Variants in FECH observed in about 807,000 individuals in gnomAD.
FECH encodes ferrochelatase, also known as ferrochelatase, mitochondrial.
Under a neutral mutation model 56.9 loss-of-function variants are expected in FECH, and 40 were observed. That is an observed-to-expected ratio of 0.70 (90% CI 0.55 to 0.92). The LOEUF is 0.92. Ranked by LOEUF, FECH falls within the 40% of genes least tolerant of loss-of-function variation. The probability of loss-of-function intolerance (pLI) is 0.00; values close to 1 mark genes in which losing one functional copy is unlikely to be tolerated. For missense variants in FECH, 431 were observed against 529.1 expected (o/e 0.81, Z 1.82); for synonymous variants, 175 against 198.6 (o/e 0.88, Z 1.00).
At chr18:57,554,816 G>T in intron 8 of FECH, 29 bp downstream of exon 8, 1 of 1,564,522 alleles carries the variant, frequency 6.4e-7, no homozygotes, top group South Asian at 1.1e-5. Flanking sequence ...AATAAGAGCT[G>T]GCCGCCCGCC....
Position 57,549,424 on chromosome 18 carries a change from T to TCAA in FECH, c.*1287_*1288insTTG, listed in dbSNP as rs59569925. On this transcript the variant is annotated 3_prime_UTR_variant, in exon 11 of 11. Transcript: ENST00000262093. ...TAATACTTCCACTTTATAAACTGGCTAAAAAAAAAAAAAAAAAGAAACGCT... is the reference window on the plus strand; with the variant it reads ...TAATACTTCCACTTTATAAACTGGCTCAAAAAAAAAAAAAAAAAAAGAAACGCT... 7.1e-6 allele frequency: 1 copy of TCAA among 141,706 alleles called. No individual in the cohort carries two copies. The highest frequency in any genetic ancestry group is 1.5e-5 in the Non-Finnish European group (1 of 66,006). 8.8% of individuals were successfully genotyped at this position (141,706 alleles called of 1,614,324 possible).
At chr18:57,563,003 AG>A in intron 5 of FECH, 23 bp from the exon 6 acceptor site, 1 of 1,574,866 alleles carries the variant, frequency 6.3e-7, no homozygotes. Context: ...GAGACCACTT[AG>A]TAGATGCATT....
chr18:57,550,571 C>A lies in FECH; in HGVS notation c.*141G>T. ...CATCAAGAGTCCAATCCTCAAGAAA[C>A]CACACAATTTGTACCCAAAGGCTGT... On this transcript the variant is annotated 3_prime_UTR_variant, in exon 11 of 11. Transcript: ENST00000262093. 9.9e-7 allele frequency: 1 copy of A among 1,011,490 alleles called. No individual in the cohort carries two copies. Among genetic ancestry groups the A allele is most frequent in the Non-Finnish European group, 1.5e-6 (1 of 685,840 alleles). The allele number at this position is 1,011,490 out of a possible 1,614,324, so 62.7% of individuals were successfully genotyped here. A position where few individuals can be genotyped will look rare whatever the true frequency, so the allele number is the denominator to read the frequency against.
Position 57,580,659 on chromosome 18 carries a change from G to C in FECH, c.68-460C>G, listed in dbSNP as rs141502865. On this transcript the variant is annotated intron_variant, in intron 1 of 10. Coordinates refer to ENST00000262093, the MANE Select transcript of FECH (RefSeq NM_000140.5). Reference sequence around the variant, plus strand: ...TCCAAGCCTTCTTCGGAAAGCACTCGTGCTGAGAACCCAGTACTGCCCTTG... The same window carrying C: ...TCCAAGCCTTCTTCGGAAAGCACTCCTGCTGAGAACCCAGTACTGCCCTTG... Among the ~76,000 whole-genome samples the C allele has an allele frequency of 8.1e-3, 1,230 of 152,206 alleles. 14 individuals are homozygous for C. Among genetic ancestry groups the C allele is most frequent in the Middle Eastern group, 0.017 (5 of 294 alleles).
intron 1 of FECH, among the ~76,000 whole-genome samples, chr18:57,580,549 A>G (rs1319343622): frequency 8.9e-6 from 1 of 111,776 alleles, no homozygotes; most frequent in African/African-American, 3.7e-5. Flanking sequence ...TGGAAGGAGA[A>G]GGGGCTGCAG....
At chr18:57,579,327 C>A in intron 2 of FECH, among the ~76,000 whole-genome samples, 1 of 139,580 alleles carries the variant, frequency 7.2e-6, no homozygotes, top group Admixed American at 7.2e-5. Flanking sequence ...ATATTCATAC[C>A]TGTATAATTT....
chr18:57,568,678 C>G (rs995910428), intron 4 of FECH, among the ~76,000 whole-genome samples: 1 of 152,172 alleles, frequency 6.6e-6, no homozygotes, highest in African/African-American at 2.4e-5. Context: ...CTCAGAGCAG[C>G]TGTTCAATGA....
intron 2 of FECH, among the ~76,000 whole-genome samples, chr18:57,575,412 G>A (rs1044444308): frequency 6.6e-6 from 1 of 152,086 alleles, no homozygotes; most frequent in Non-Finnish European, 1.5e-5. Context: ...TTATGTGCTC[G>A]AAAACTAAAG....
Position 57,545,444 on chromosome 18 carries a change from C to T in FECH, c.*5268G>A, listed in dbSNP as rs1028449997. Among the ~76,000 whole-genome samples the T allele has an allele frequency of 2.0e-5, 3 of 152,092 alleles. No homozygotes were observed. The highest frequency in any genetic ancestry group is 4.8e-5 in the African/African-American group (2 of 41,416). On this transcript the variant is annotated 3_prime_UTR_variant, in exon 11 of 11. Coordinates refer to ENST00000262093, the MANE Select transcript of FECH (RefSeq NM_000140.5). ...TCACTTCCTTTTCTCTGAAGAAAGG[C>T]TTAGTAAGAGTCCCACATCAAAAGC...
chr18:57,552,963 T>C (rs1453472655), intron 9 of FECH, among the ~76,000 whole-genome samples: 1 of 152,160 alleles, frequency 6.6e-6, no homozygotes, highest in East Asian at 1.9e-4. Flanking sequence ...CTCAGGTAGC[T>C]GAGGAGAGGA....
intron 2 of FECH, among the ~76,000 whole-genome samples, chr18:57,579,283 G>GTA (rs563890271): frequency 1.2e-5 from 1 of 81,060 alleles, no homozygotes; most frequent in Non-Finnish European, 2.6e-5. Flanking sequence ...ATGTGTGTGT[G>GTA]TATATATGTG....
At chr18:57,560,894 TATTA>T (rs2050936108) in intron 6 of FECH, among the ~76,000 whole-genome samples, 3 of 152,210 alleles carry the variant, frequency 2.0e-5, no homozygotes, top group Non-Finnish European at 4.4e-5. Context: ...ATTGAGATAT[TATTA>T]ATCTTTCCAG....
In FECH at chr18:57,544,586, A is replaced by G. The variant is rs2050697218; in HGVS notation, c.*6126T>C. Among the ~76,000 whole-genome samples, 1 of 152,260 alleles carries G rather than the reference A, an allele frequency of 6.6e-6. No homozygotes were observed. Among genetic ancestry groups the G allele is most frequent in the Non-Finnish European group, 1.5e-5 (1 of 68,044 alleles). ...ATTGATCAACAAGTATAGTTCACAC[A>G]TATCGACATTTTGTTTACATTCATG... On this transcript the variant is annotated 3_prime_UTR_variant, in exon 11 of 11. Transcript: ENST00000262093.
At position 57,546,491 on chromosome 18, in the gene FECH, T is replaced by C. The variant is rs577688404; in HGVS notation, c.*4221A>G. Among the ~76,000 whole-genome samples, 19 of 152,248 alleles carry C rather than the reference T, an allele frequency of 1.2e-4. No homozygotes were observed. The highest frequency in any genetic ancestry group is 3.9e-4 in the African/African-American group (16 of 41,550). ...TCTCACCCTTTGTGGGTAATAATAA[T>C]ATACTTTGGATAAGCACAATGGCAT... On this transcript the variant is annotated 3_prime_UTR_variant, in exon 11 of 11. Coordinates refer to ENST00000262093, the MANE Select transcript of FECH (RefSeq NM_000140.5).
chr18:57,562,734 A>G, intron 6 of FECH, 140 bp downstream of exon 6: 1 of 681,180 alleles, frequency 1.5e-6, no homozygotes, highest in Non-Finnish European at 2.7e-6. Flanking sequence ...CAAGAATATA[A>G]TACTTTTATT....
At position 57,545,622 on chromosome 18, in the gene FECH, C is replaced by T. The variant is rs776370345; in HGVS notation, c.*5090G>A. Among the ~76,000 whole-genome samples, 115 of 152,290 alleles carry T rather than the reference C, an allele frequency of 7.6e-4. No homozygotes were observed. Among genetic ancestry groups the T allele is most frequent in the Admixed American group, 1.5e-3 (23 of 15,292 alleles). On this transcript the variant is annotated 3_prime_UTR_variant, in exon 11 of 11. Coordinates refer to ENST00000262093, the MANE Select transcript of FECH (RefSeq NM_000140.5). Reference sequence around the variant, plus strand: ...ACCACCTGCTATTGCTCATCATATTCGTGCCATTCAACAAATATTAGCAGC... The same window carrying T: ...ACCACCTGCTATTGCTCATCATATTTGTGCCATTCAACAAATATTAGCAGC...
chr18:57,555,810 T>G (rs1443439177), intron 7 of FECH, among the ~76,000 whole-genome samples: 1 of 152,176 alleles, frequency 6.6e-6, no homozygotes, highest in Non-Finnish European at 1.5e-5. Context: ...ATATAGCAGG[T>G]GCTCAATAAA....
rs1003264778 is a variant in FECH, at chr18:57,586,646, C to T, written c.-26G>A. 5 of 1,492,952 alleles carry T rather than the reference C, an allele frequency of 3.3e-6. No homozygotes were observed. Among genetic ancestry groups the T allele is most frequent in the Admixed American group, 4.4e-5 (2 of 45,794 alleles). 92.5% of individuals were successfully genotyped at this position (1,492,952 alleles called of 1,614,324 possible). A position where few individuals can be genotyped will look rare whatever the true frequency, so the allele number is the denominator to read the frequency against. ...TGCCTGGGCAGCCTCGGCCCGAGTC[C>T]GGGCTCCTCCCGCGGCGGCGCGCCC... On this transcript the variant is annotated 5_prime_UTR_variant, in exon 1 of 11. Transcript: ENST00000262093.
chr18:57,561,071 T>G (rs1362769689), intron 6 of FECH, among the ~76,000 whole-genome samples: 1 of 152,102 alleles, frequency 6.6e-6, no homozygotes, highest in African/African-American at 2.4e-5. Context: ...AAACTAAAGA[T>G]GCTCAGAAAG....
Sources: gnomAD v4.1 joint callset for allele counts (sites outside exome capture counted in the v4.1 genomes callset) on GRCh38, gnomAD v4.1.1 for gene constraint, MANE v1.5 for transcripts, NCBI Gene and HGNC (gene_info 2026-07-23, HGNC 2026-07-21) for gene names.